Variants in UNC93A observed in about 807,000 individuals in gnomAD.
UNC93A encodes the protein unc-93 homolog A.
UNC93A carries 43 observed loss-of-function variants against 47.5 expected under a neutral mutation model. That is an observed-to-expected ratio of 0.91 (90% confidence interval 0.71 to 1.17). The LOEUF (loss-of-function observed/expected upper bound fraction) is 1.17, where lower values mean the gene tolerates loss of function less well. Ranked by LOEUF, UNC93A falls within the 50% of genes most tolerant of loss-of-function variation. The probability of loss-of-function intolerance (pLI) is 0.00; values close to 1 mark genes in which losing one functional copy is unlikely to be tolerated. For missense variants in UNC93A, 605 were observed against 577.6 expected (o/e 1.05, Z -0.49); for synonymous variants, 280 against 258.0 (o/e 1.09, Z -0.82).
At chr6:167,274,798 TGAA>T (rs763466478) in intron 1 of UNC93A, among the ~76,000 whole-genome samples, 6 of 152,030 alleles carry the variant, frequency 3.9e-5, no homozygotes, top group Non-Finnish European at 8.8e-5. Context: ...TAGCGAGTAA[TGAA>T]GTAATAATAC....
At chr6:167,273,973 G>A (rs1485465006) in intron 1 of UNC93A, among the ~76,000 whole-genome samples, 1 of 152,174 alleles carries the variant, frequency 6.6e-6, no homozygotes, top group African/African-American at 2.4e-5. Flanking sequence ...AAACTTAGTG[G>A]AGTATTTCCT....
At chr6:167,289,396 T>C (rs437914), upstream of UNC93A, among the ~76,000 whole-genome samples, 3 of 152,110 alleles carry the variant, frequency 2.0e-5, no homozygotes, top group African/African-American at 7.2e-5. Context: ...AAATATACTG[T>C]TCATTTAAAA....
In UNC93A at chr6:167,294,713, C is replaced by T. The variant is rs758614937; in HGVS notation, c.269+15C>T. The T allele has an allele frequency of 1.3e-6, 2 of 1,574,358 alleles. No homozygotes were observed. Among genetic ancestry groups the T allele is most frequent in the Admixed American group, 1.7e-5 (1 of 58,398 alleles). On this transcript the variant is annotated intron_variant, in intron 2 of 7. Coordinates refer to ENST00000230256, the MANE Select transcript of UNC93A (RefSeq NM_018974.4). Reference sequence around the variant, plus strand: ...TTCGCCAGCTGGTACGCAGCCACCACCCCCTGCCCACCCCACCCCGGCCGT... The same window carrying T: ...TTCGCCAGCTGGTACGCAGCCACCATCCCCTGCCCACCCCACCCCGGCCGT...
rs992584502 is a variant in UNC93A at position 167,272,835 on chromosome 6, A to G, written c.-52+1377A>G. On this transcript the variant is annotated intron_variant, in intron 1 of 3. Coordinates refer to the UNC93A transcript ENST00000503433. ...AGGAAGCCTTCAGGTAGCAGGCTTCAGAGGGAACAGATCACAGATGTTTCT... is the reference window on the plus strand; with the variant it reads ...AGGAAGCCTTCAGGTAGCAGGCTTCGGAGGGAACAGATCACAGATGTTTCT... Among the ~76,000 whole-genome samples, 10 of 152,210 alleles carry G rather than the reference A, an allele frequency of 6.6e-5. No individual in the cohort carries two copies. In the East Asian group the frequency reaches 1.9e-3, roughly 29 times the overall value.
Position 167,296,111 on chromosome 6 carries a change from A to G in UNC93A, c.349A>G (p.Ile117Val), listed in dbSNP as rs1778080813. The G allele has an allele frequency of 1.2e-6, 2 of 1,614,216 alleles. No homozygotes were observed. The highest frequency in any genetic ancestry group is 1.7e-6 in the Non-Finnish European group (2 of 1,180,050). Reference protein sequence around the residue: ...LWSAQCTYLTITGNTHAEKAG... With the variant: ...LWSAQCTYLTVTGNTHAEKAG... ...GTCTGCACAGTGCACATACCTCACG[A>G]TCACGGGAAACACACATGCAGAGAA... Residue 117 changes from isoleucine to valine, a missense_variant, in exon 3 of 8, where the codon ATC becomes GTC. Coordinates refer to ENST00000230256, the MANE Select transcript of UNC93A (RefSeq NM_018974.4).
intron 4 of UNC93A, among the ~76,000 whole-genome samples, chr6:167,302,792 A>G (rs1444973504): frequency 1.3e-5 from 2 of 152,154 alleles, no homozygotes; most frequent in Non-Finnish European, 2.9e-5. Flanking sequence ...CCTTGTCCCC[A>G]TTTCATTTTG....
intron 1 of UNC93A, among the ~76,000 whole-genome samples, chr6:167,280,371 C>G (rs1337429084): frequency 6.6e-6 from 1 of 152,146 alleles, no homozygotes; most frequent in Non-Finnish European, 1.5e-5. Context: ...AAATTCATTT[C>G]AATAACATAT....
intron 7 of UNC93A, among the ~76,000 whole-genome samples, chr6:167,309,193 T>C (rs1333827333): frequency 6.6e-6 from 1 of 152,206 alleles, no homozygotes; most frequent in Non-Finnish European, 1.5e-5. Context: ...ACCACTGCAC[T>C]CATGCCAGGC....
chr6:167,300,712 C>T (rs1229980698), intron 4 of UNC93A, among the ~76,000 whole-genome samples: 2 of 152,100 alleles, frequency 1.3e-5, no homozygotes, highest in Non-Finnish European at 2.9e-5. Flanking sequence ...CAGGGACCAG[C>T]CAGGCCTGTG....
chr6:167,296,196 T>G lies in UNC93A; in HGVS notation c.434T>G (p.Phe145Cys). ...NQYFGIFFLI[F>C]QSSGVWGNLI... ...TATTTTGGCATCTTCTTCCTCATAT[T>G]CCAGTCATCCGGTGTGTGGGGCAAC... is the stretch of plus-strand genomic sequence containing the variant. Residue 145 changes from phenylalanine (F) to cysteine (C), a missense_variant, in exon 3 of 8, where the codon TTC becomes TGC. Physicochemically the swap from Phe to Cys is radical, Grantham distance 205 (BLOSUM62 -2). Coordinates refer to ENST00000230256, the MANE Select transcript of UNC93A (RefSeq NM_018974.4). The G allele has an allele frequency of 6.2e-7, 1 of 1,614,184 alleles. No homozygotes were observed. Among genetic ancestry groups the G allele is most frequent in the Non-Finnish European group, 8.5e-7 (1 of 1,180,032 alleles).
At chr6:167,289,319 G>A (rs924666819), upstream of UNC93A, among the ~76,000 whole-genome samples, 1 of 152,162 alleles carries the variant, frequency 6.6e-6, no homozygotes, top group Non-Finnish European at 1.5e-5. Context: ...GGAACACTGA[G>A]GGGTGCTGGG....
intron 1 of UNC93A, among the ~76,000 whole-genome samples, chr6:167,281,652 T>C (rs1247684165): frequency 6.6e-6 from 1 of 152,160 alleles, no homozygotes; most frequent in East Asian, 1.9e-4. Context: ...GCTCCATGAC[T>C]AAGCTCTGGG....
chr6:167,309,479 G>A (rs979609735), intron 7 of UNC93A, among the ~76,000 whole-genome samples: 1 of 152,150 alleles, frequency 6.6e-6, no homozygotes, highest in African/African-American at 2.4e-5. Context: ...ATGCTGATGA[G>A]GTGAGATGAA....
upstream of UNC93A, among the ~76,000 whole-genome samples, chr6:167,287,694 T>TGG (rs386409289): frequency 1.3e-5 from 2 of 149,796 alleles, no homozygotes; most frequent in Admixed American, 6.6e-5. Flanking sequence ...GGTGTGTGTG[T>TGG]GTGTGCATGT....
rs137984218 is a variant in UNC93A at position 167,302,939 on chromosome 6, G to A, written c.626-980G>A. 8.7e-3 allele frequency among the ~76,000 whole-genome samples: 1,326 copies of A among 152,116 alleles called. 31 individuals carry two copies. The highest frequency in any genetic ancestry group is 0.03 in the African/African-American group (1,255 of 41,480). On this transcript the variant is annotated intron_variant, in intron 4 of 7. Coordinates refer to ENST00000230256, the MANE Select transcript of UNC93A (RefSeq NM_018974.4). ...AATCTCTTGCCGTCCTGCTCACCCC[G>A]CCCAGGCTGTGACCCTTCCCTCTGT...
rs368947837 is a variant in UNC93A, at chr6:167,298,153, C to T, written c.625+83C>T. 3.3e-6 allele frequency: 5 copies of T among 1,527,124 alleles called. No homozygotes were observed. The African/African-American group carries it at 5.5e-5, about 17-fold the overall frequency. 94.6% of individuals were successfully genotyped at this position (1,527,124 alleles called of 1,614,324 possible). On this transcript the variant is annotated intron_variant, in intron 4 of 7. Coordinates refer to ENST00000230256, the MANE Select transcript of UNC93A (RefSeq NM_018974.4). ...CCTGGGCTGACAAAGACTGTCTCTC[C>T]CAATGTAAAAGTAATCTCTCTTCTT...
rs201436620 is a variant in UNC93A at position 167,302,726 on chromosome 6, A to AT, written c.626-1186dup. Among the ~76,000 whole-genome samples the AT allele has an allele frequency of 8.4e-3, 1,272 of 152,252 alleles. 13 individuals carry two copies. The highest frequency in any genetic ancestry group is 0.014 in the Non-Finnish European group (921 of 68,010). ...CATGGATGAAATGAATAGTTAAAAT[A>AT]TTTTTTTGTATAGATAACCCATTTA... On this transcript the variant is annotated intron_variant, in intron 4 of 7. Transcript: ENST00000230256.
Position 167,296,126 on chromosome 6 carries a change from C to A in UNC93A, c.364C>A (p.His122Asn). The A allele has an allele frequency of 6.2e-7, 1 of 1,614,240 alleles. No homozygotes were observed. Among genetic ancestry groups the A allele is most frequent in the Non-Finnish European group, 8.5e-7 (1 of 1,180,050 alleles). Residue 122 changes from histidine to asparagine, a missense_variant, in exon 3 of 8, where the codon CAT becomes AAT. Transcript: ENST00000230256. ...ATACCTCACGATCACGGGAAACACA[C>A]ATGCAGAGAAGGCGGGAAAGCGTGG... ...CTYLTITGNT[H>N]AEKAGKRGKD...
chr6:167,278,812 C>A (rs924304465), intron 1 of UNC93A, among the ~76,000 whole-genome samples: 16 of 152,172 alleles, frequency 1.1e-4, no homozygotes, highest in Admixed American at 8.5e-4. Flanking sequence ...GCTCACCCGG[C>A]TCTGTTCCCA....
Sources: allele counts gnomAD v4.1 joint callset (sites outside exome capture counted in the v4.1 genomes callset), GRCh38; gene constraint gnomAD v4.1.1; transcripts MANE v1.5; gene names NCBI Gene and HGNC (gene_info 2026-07-23, HGNC 2026-07-21).